The following WWTR1 variants were observed in gnomAD, a reference collection of about 807,000 sequenced individuals.
WWTR1 encodes WW domain containing transcription regulator 1.
A neutral mutation model predicts 40.1 loss-of-function variants in WWTR1; 13 were observed. That is an observed-to-expected ratio of 0.32 (90% confidence interval 0.21 to 0.52). The LOEUF is 0.52. Ranked by LOEUF, WWTR1 falls within the 20% of genes least tolerant of loss-of-function variation. The probability of loss-of-function intolerance (pLI) is 0.97; values close to 1 mark genes in which losing one functional copy is unlikely to be tolerated. For missense variants in WWTR1, 436 were observed against 523.1 expected (o/e 0.83, Z 1.63); for synonymous variants, 230 against 210.1 (o/e 1.09, Z -0.82).
At chr3:149,608,105 G>A (rs919052780) in intron 2 of WWTR1, among the ~76,000 whole-genome samples, 8 of 151,992 alleles carry the variant, frequency 5.3e-5, no homozygotes, top group Non-Finnish European at 1.0e-4. Flanking sequence ...ATCAATATCT[G>A]ATATTGTTGA....
At chr3:149,532,626 A>G (rs1576541222) in intron 4 of WWTR1, among the ~76,000 whole-genome samples, 2 of 152,218 alleles carry the variant, frequency 1.3e-5, no homozygotes, top group Admixed American at 6.5e-5. Context: ...CTGAAAGAGA[A>G]AAAGAAACTG....
At chr3:149,708,566 T>C (rs184427526) in intron 5 of WWTR1, among the ~76,000 whole-genome samples, 2 of 152,368 alleles carry the variant, frequency 1.3e-5, no homozygotes, top group Admixed American at 1.3e-4. Flanking sequence ...AAGTGGAACA[T>C]ACAGTATTTG....
chr3:149,634,087 G>A (rs1205613541), intron 2 of WWTR1, among the ~76,000 whole-genome samples: 2 of 152,124 alleles, frequency 1.3e-5, no homozygotes, highest in Non-Finnish European at 2.9e-5. Context: ...GGAGAAAGAG[G>A]AAGGAAAGAT....
At chr3:149,632,049 T>G (rs975381176) in intron 2 of WWTR1, among the ~76,000 whole-genome samples, 2 of 152,056 alleles carry the variant, frequency 1.3e-5, no homozygotes, top group African/African-American at 2.4e-5. Context: ...TAGCTGGGAC[T>G]ACAGGCGCCC....
rs554833533 is a variant in WWTR1 at position 149,584,182 on chromosome 3, C to T, written c.432-11182G>A. On this transcript the variant is annotated intron_variant, in intron 2 of 6. Transcript: ENST00000360632. ...ACTCCAAATGTGAAATATGTCGAAGCTAAAGCTGCACTGCCCTCCTTTCTC... is the reference window on the plus strand; with the variant it reads ...ACTCCAAATGTGAAATATGTCGAAGTTAAAGCTGCACTGCCCTCCTTTCTC... 3.3e-5 allele frequency among the ~76,000 whole-genome samples: 5 copies of T among 152,344 alleles called. No individual in the cohort carries two copies. In the South Asian group the frequency reaches 1.0e-3, roughly 32 times the overall value.
chr3:149,621,942 C>T (rs924092921), intron 2 of WWTR1, among the ~76,000 whole-genome samples: 1 of 152,148 alleles, frequency 6.6e-6, no homozygotes, highest in African/African-American at 2.4e-5. Context: ...CTTAATCAAT[C>T]ATTGAACTTT....
intron 1 of WWTR1, among the ~76,000 whole-genome samples, chr3:149,687,326 A>C (rs896518465): frequency 3.9e-5 from 6 of 152,186 alleles, no homozygotes; most frequent in Admixed American, 6.5e-5. Context: ...CCTGACTCTG[A>C]TCATTTCTTC....
chr3:149,635,455 A>G (rs1284865930), intron 2 of WWTR1, among the ~76,000 whole-genome samples: 2 of 152,042 alleles, frequency 1.3e-5, no homozygotes, highest in Non-Finnish European at 1.5e-5. Flanking sequence ...AAAATACTTT[A>G]AAGTGGTGGG....
intron 2 of WWTR1, among the ~76,000 whole-genome samples, chr3:149,589,470 C>G (rs11708035): frequency 6.6e-6 from 1 of 152,152 alleles, no homozygotes; most frequent in Non-Finnish European, 1.5e-5. Flanking sequence ...CGACCAGCCA[C>G]AAGGCTCCTT....
At chr3:149,672,232 A>G (rs1714112366) in intron 1 of WWTR1, among the ~76,000 whole-genome samples, 1 of 152,228 alleles carries the variant, frequency 6.6e-6, no homozygotes, top group Admixed American at 6.5e-5. Context: ...CTGGCTTTTT[A>G]CCAAAGTTCG....
upstream of WWTR1, among the ~76,000 whole-genome samples, chr3:149,704,802 G>T (rs1406487059): frequency 2.0e-5 from 3 of 147,138 alleles, no homozygotes; most frequent in African/African-American, 7.5e-5. Flanking sequence ...TCAGACATCT[G>T]AAAAAAGCCC....
Position 149,669,076 on chromosome 3 carries a change from G to C in WWTR1, c.-4+712C>G, listed in dbSNP as rs1368044904. Among the ~76,000 whole-genome samples, 9 of 152,298 alleles carry C rather than the reference G, an allele frequency of 5.9e-5. No individual in the cohort carries two copies. The East Asian group carries it at 1.5e-3, about 26-fold the overall frequency. ...CCAAAGGCCTTTGTACAGAGTCCAA[G>C]TTTTTACCTTTAGTCAGTCTTTTCT... On this transcript the variant is annotated intron_variant, in intron 2 of 7. Transcript: ENST00000465804.
At chr3:149,721,389 T>C (rs1715755129) in intron 4 of WWTR1, among the ~76,000 whole-genome samples, 1 of 152,216 alleles carries the variant, frequency 6.6e-6, no homozygotes, top group Non-Finnish European at 1.5e-5. Flanking sequence ...ATTCTGTTAA[T>C]GTGGTGTATT....
In WWTR1 at chr3:149,521,007, G is replaced by C. The variant is rs768867579; in HGVS notation, c.1019-18C>G. On this transcript the variant is annotated intron_variant, in intron 6 of 6. Coordinates refer to ENST00000360632, the MANE Select transcript of WWTR1 (RefSeq NM_015472.6). ...GTTTTCTCCTATAACAAAATGAAAAGAAACCATTTTAATTCCTTCTTTTAG... is the reference window on the plus strand; with the variant it reads ...GTTTTCTCCTATAACAAAATGAAAACAAACCATTTTAATTCCTTCTTTTAG... 1.2e-5 allele frequency: 19 copies of C among 1,558,834 alleles called. No individual in the cohort carries two copies. Among genetic ancestry groups the C allele is most frequent in the Non-Finnish European group, 1.6e-5 (19 of 1,157,452 alleles).
chr3:149,640,928 C>A (rs1320201433), intron 2 of WWTR1, among the ~76,000 whole-genome samples: 1 of 152,134 alleles, frequency 6.6e-6, no homozygotes, highest in East Asian at 1.9e-4. Flanking sequence ...TGGCCTAGAT[C>A]TGGACATATT....
chr3:149,612,532 T>A (rs1739783261), intron 2 of WWTR1, among the ~76,000 whole-genome samples: 1 of 152,100 alleles, frequency 6.6e-6, no homozygotes, highest in Non-Finnish European at 1.5e-5. Flanking sequence ...TTCGGATGAG[T>A]CCCTTAAAAG....
chr3:149,716,670 CA>C (rs1191675856), intron 5 of WWTR1, among the ~76,000 whole-genome samples: 3 of 151,904 alleles, frequency 2.0e-5, no homozygotes, highest in Non-Finnish European at 4.4e-5. Flanking sequence ...AGTAAACAAA[CA>C]AAAAGTCATA....
intron 2 of WWTR1, among the ~76,000 whole-genome samples, chr3:149,645,290 A>T (rs570436533): frequency 6.6e-6 from 1 of 151,346 alleles, no homozygotes; most frequent in South Asian, 2.1e-4. Flanking sequence ...CGTGTTAGCC[A>T]GGATGGTCTT....
rs7627729 is a variant in WWTR1, at chr3:149,574,211, A to T, written c.432-1211T>A. On this transcript the variant is annotated intron_variant, in intron 2 of 6. Transcript: ENST00000360632. ...ACACCTGGCTCATTTTTTTTAAAAA[A>T]TTTTTTTTGTAGAGGTGGGTGTCTC... Among the ~76,000 whole-genome samples the T allele has an allele frequency of 8.0e-3, 1,214 of 151,614 alleles. 27 individuals are homozygous for T. Among genetic ancestry groups the T allele is most frequent in the African/African-American group, 0.028 (1,148 of 41,300 alleles).
Sources: allele counts gnomAD v4.1 joint callset (sites outside exome capture counted in the v4.1 genomes callset), GRCh38; gene constraint gnomAD v4.1.1; transcripts MANE v1.5; gene names NCBI Gene and HGNC (gene_info 2026-07-23, HGNC 2026-07-21).